The following FHIT variants were observed in gnomAD, a reference collection of about 807,000 sequenced individuals.
FHIT encodes fragile histidine triad diadenosine triphosphatase, also known as bis(5'-adenosyl)-triphosphatase.
FHIT carries 19 observed loss-of-function variants against 17.9 expected under a neutral mutation model. That is an observed-to-expected ratio of 1.06 (90% CI 0.74 to 1.56). The LOEUF is 1.56. Among genes scored for constraint, FHIT ranks in the 40% most tolerant of loss-of-function variants. FHIT has a pLI of 0.00. For missense variants in FHIT, 248 were observed against 189.2 expected (o/e 1.31, Z -1.82); for synonymous variants, 81 against 69.7 (o/e 1.16, Z -0.81).
intron 5 of FHIT, among the ~76,000 whole-genome samples, chr3:60,226,080 T>C (rs1364251022): frequency 4.6e-5 from 7 of 152,086 alleles, no homozygotes; most frequent in Non-Finnish European, 2.9e-5. Flanking sequence ...TGAGGAGATG[T>C]TAACAAATGG....
At chr3:60,987,178 G>A (rs1008323084) in intron 3 of FHIT, among the ~76,000 whole-genome samples, 1 of 152,186 alleles carries the variant, frequency 6.6e-6, no homozygotes, top group African/African-American at 2.4e-5. Flanking sequence ...CTCAGAGCTA[G>A]TGCAAAATCC....
At chr3:60,380,967 G>A (rs1439262954) in intron 5 of FHIT, among the ~76,000 whole-genome samples, 2 of 134,324 alleles carry the variant, frequency 1.5e-5, no homozygotes, top group Non-Finnish European at 3.4e-5. Context: ...TAACAAAAAA[G>A]CCACACAGAG....
At chr3:60,512,552 C>A (rs947762105) in intron 5 of FHIT, among the ~76,000 whole-genome samples, 30 of 151,892 alleles carry the variant, frequency 2.0e-4, no homozygotes, top group Middle Eastern at 3.4e-3. Flanking sequence ...ATTATCACCC[C>A]ACTATATAAT....
intron 8 of FHIT, among the ~76,000 whole-genome samples, chr3:59,867,693 T>C (rs564974995): frequency 1.3e-5 from 2 of 152,226 alleles, no homozygotes; most frequent in African/African-American, 4.8e-5. Flanking sequence ...CAGAAAACTA[T>C]TTTGTGATTC....
At chr3:60,946,737 C>G (rs1708657307) in intron 3 of FHIT, among the ~76,000 whole-genome samples, 1 of 152,076 alleles carries the variant, frequency 6.6e-6, no homozygotes, top group African/African-American at 2.4e-5. Flanking sequence ...CCAGAAGACA[C>G]CAACTCCACT....
intron 2 of FHIT, among the ~76,000 whole-genome samples, chr3:61,156,441 A>G (rs1374961763): frequency 6.6e-6 from 1 of 152,126 alleles, no homozygotes; most frequent in Non-Finnish European, 1.5e-5. Flanking sequence ...CATAACATTT[A>G]TCGAAACGGT....
chr3:60,241,218 C>G (rs1463009665), intron 5 of FHIT, among the ~76,000 whole-genome samples: 2 of 152,002 alleles, frequency 1.3e-5, no homozygotes, highest in African/African-American at 4.8e-5. Flanking sequence ...TCATAATTCC[C>G]TAAGACAGTA....
At chr3:60,754,919 A>G (rs1559696762) in intron 4 of FHIT, among the ~76,000 whole-genome samples, 1 of 152,174 alleles carries the variant, frequency 6.6e-6, no homozygotes, top group East Asian at 1.9e-4. Context: ...AAGAAAGTAT[A>G]TTAGATTGCA....
At chr3:61,059,372 C>CTT (rs201797361) in intron 2 of FHIT, among the ~76,000 whole-genome samples, 1,192 of 113,094 alleles carry the variant, frequency 0.011, 16 homozygotes, top group African/African-American at 0.029. Flanking sequence ...TTGCTTTTTC[C>CTT]TTTTTTTTTT....
chr3:59,980,043 C>A (rs1003246578), intron 7 of FHIT, among the ~76,000 whole-genome samples: 2 of 152,086 alleles, frequency 1.3e-5, no homozygotes, highest in Non-Finnish European at 2.9e-5. Flanking sequence ...AAATTTGAAT[C>A]TTTTGTCAAT....
At chr3:60,472,910 T>C (rs983000003) in intron 5 of FHIT, among the ~76,000 whole-genome samples, 14 of 152,148 alleles carry the variant, frequency 9.2e-5, no homozygotes, top group Admixed American at 2.6e-4. Context: ...ATGCCTCAAA[T>C]ACCATTATTC....
At chr3:60,907,647 G>A (rs189681146) in intron 3 of FHIT, among the ~76,000 whole-genome samples, 1 of 152,060 alleles carries the variant, frequency 6.6e-6, no homozygotes, top group African/African-American at 2.4e-5. Context: ...TGATATCTAT[G>A]ACTGAAATGC....
At chr3:61,155,534 A>G (rs990952980) in intron 2 of FHIT, among the ~76,000 whole-genome samples, 3 of 152,108 alleles carry the variant, frequency 2.0e-5, no homozygotes, top group African/African-American at 7.2e-5. Flanking sequence ...CCAAGTACCT[A>G]TCCACCCAGG....
At chr3:61,110,643 C>G (rs2106886264) in intron 2 of FHIT, among the ~76,000 whole-genome samples, 1 of 152,152 alleles carries the variant, frequency 6.6e-6, no homozygotes, top group South Asian at 2.1e-4. Flanking sequence ...AGGATCTGGC[C>G]CAGAGCAGGC....
rs1008559993 is a variant in FHIT at position 60,293,057 on chromosome 3, C to G, written c.103+243803G>C. Among the ~76,000 whole-genome samples, 4 of 152,020 alleles carry G rather than the reference C, an allele frequency of 2.6e-5. No homozygotes were observed. In the East Asian group the frequency reaches 7.7e-4, roughly 29 times the overall value. ...TGCCAATACATATAGTACATTAAAC[C>G]CACAGCTTTCAGAGCATAAAAATGT... On this transcript the variant is annotated intron_variant, in intron 5 of 9. Transcript: ENST00000492590.
chr3:60,489,124 A>G (rs2033961922), intron 5 of FHIT, among the ~76,000 whole-genome samples: 2 of 151,958 alleles, frequency 1.3e-5, no homozygotes, highest in Admixed American at 6.6e-5. Context: ...TTAGAAAAAT[A>G]TTATCCCCCT....
At chr3:60,859,764 C>G in intron 3 of FHIT, among the ~76,000 whole-genome samples, 2 of 57,716 alleles carry the variant, frequency 3.5e-5, no homozygotes, top group South Asian at 9.5e-4. Context: ...TTTTTTTTTG[C>G]CGAGCACGGT....
At chr3:60,131,748 C>G (rs193091483) in intron 5 of FHIT, among the ~76,000 whole-genome samples, 189 of 152,218 alleles carry the variant, frequency 1.2e-3, no homozygotes, top group Non-Finnish European at 2.1e-3. Flanking sequence ...TCATCTTCCC[C>G]TACTGCTGAG....
intron 5 of FHIT, among the ~76,000 whole-genome samples, chr3:60,413,478 C>A (rs185142811): frequency 6.6e-6 from 1 of 152,282 alleles, no homozygotes; most frequent in Admixed American, 6.5e-5. Flanking sequence ...TTAAGAAGTA[C>A]CATGCAAATT....
Sources: allele counts gnomAD v4.1 joint callset (sites outside exome capture counted in the v4.1 genomes callset), GRCh38; gene constraint gnomAD v4.1.1; transcripts MANE v1.5; gene names NCBI Gene and HGNC (gene_info 2026-07-23, HGNC 2026-07-21).